KCNC2: variants seen among roughly 807,000 people sequenced by gnomAD.
KCNC2 encodes the protein potassium voltage-gated channel subfamily C member 2, also known as voltage-gated potassium channel KCNC2.
A neutral mutation model predicts 44.5 loss-of-function variants in KCNC2; 21 were observed. That is an observed-to-expected ratio of 0.47 (90% CI 0.33 to 0.68). The LOEUF (loss-of-function observed/expected upper bound fraction) is 0.68. Among genes scored for constraint, KCNC2 ranks in the 30% least tolerant of loss-of-function variants. The probability of loss-of-function intolerance (pLI) is 0.01; values close to 1 mark genes in which losing one functional copy is unlikely to be tolerated. For synonymous variants in KCNC2, 391 were observed against 339.1 expected (o/e 1.15, Z -1.68); for missense variants, 589 against 826.2 (o/e 0.71, Z 3.52).
Position 75,050,572 on chromosome 12 carries a change from A to C in KCNC2, c.1433T>G (p.Met478Arg). ...PVPVIVNNFG[M>R]YYSLAMAKQK... ...CTTTGCCATTGCCAAGGAGTAGTAC[A>C]TTCCAAAATTATTGACAATGACAGG... The change falls in exon 3 of 5, where the codon ATG becomes AGG. Residue 478 changes from methionine to arginine, a missense_variant. Met to Arg is a moderately conservative substitution (Grantham distance 91). This residue lies in a region of KCNC2 where 67 missense variants were observed against 237.4 expected (regional missense o/e 0.28). Transcript: ENST00000549446. 1 of 1,613,568 alleles carries C rather than the reference A, an allele frequency of 6.2e-7. No homozygotes were observed. Among genetic ancestry groups the C allele is most frequent in the Non-Finnish European group, 8.5e-7 (1 of 1,179,826 alleles).
chr12:75,115,638 T>G (rs571566203), intron 2 of KCNC2, among the ~76,000 whole-genome samples: 13 of 152,338 alleles, frequency 8.5e-5, no homozygotes, highest in Admixed American at 5.9e-4. Flanking sequence ...GTTAGAATAC[T>G]TTTCCGAATT....
chr12:75,066,959 T>C (rs1197736716), intron 2 of KCNC2, among the ~76,000 whole-genome samples: 1 of 152,110 alleles, frequency 6.6e-6, no homozygotes, highest in Non-Finnish European at 1.5e-5. Context: ...TCCCAGCATT[T>C]TGGGAGGCCA....
chr12:75,180,734 T>C (rs2137640976), intron 2 of KCNC2, among the ~76,000 whole-genome samples: 1 of 152,064 alleles, frequency 6.6e-6, no homozygotes, highest in African/African-American at 2.4e-5. Flanking sequence ...TAGATTTTCA[T>C]AAAATTTACT....
chr12:75,135,604 A>G (rs1889170680), intron 2 of KCNC2, among the ~76,000 whole-genome samples: 1 of 152,058 alleles, frequency 6.6e-6, no homozygotes, highest in African/African-American at 2.4e-5. Flanking sequence ...TGATAATTCC[A>G]GAACTTTTAG....
chr12:75,143,334 C>A (rs921611718), intron 2 of KCNC2, among the ~76,000 whole-genome samples: 4 of 152,152 alleles, frequency 2.6e-5, no homozygotes, highest in African/African-American at 9.7e-5. Context: ...ACTGCCCATC[C>A]AGAAACAGAA....
At chr12:75,158,082 T>C (rs998480498) in intron 2 of KCNC2, among the ~76,000 whole-genome samples, 3 of 151,916 alleles carry the variant, frequency 2.0e-5, no homozygotes, top group African/African-American at 7.2e-5. Flanking sequence ...TTGAAGTCAA[T>C]AGAAGTCAGT....
At chr12:75,150,620 C>T (rs1262091735) in intron 2 of KCNC2, among the ~76,000 whole-genome samples, 2 of 151,878 alleles carry the variant, frequency 1.3e-5, no homozygotes, top group South Asian at 2.1e-4. Flanking sequence ...CATTGCTAGA[C>T]TGTGAGCACC....
chr12:75,094,496 A>T (rs953171754), intron 2 of KCNC2, among the ~76,000 whole-genome samples: 1 of 151,706 alleles, frequency 6.6e-6, no homozygotes, highest in Admixed American at 6.6e-5. Flanking sequence ...GAGCCTGAAA[A>T]GCAAAATTCT....
intron 2 of KCNC2, among the ~76,000 whole-genome samples, chr12:75,109,856 G>A (rs1887084401): frequency 6.6e-6 from 1 of 151,968 alleles, no homozygotes; most frequent in African/African-American, 2.4e-5. Context: ...AAGGCAATAA[G>A]ATTATGTAAG....
In KCNC2 at chr12:75,171,867, A is replaced by G. The variant is rs575885247; in HGVS notation, c.687+35430T>C. Among the ~76,000 whole-genome samples the G allele has an allele frequency of 1.1e-3, 164 of 151,974 alleles. 5 individuals are homozygous for G. In the South Asian group the frequency reaches 0.033, roughly 31 times the overall value. On this transcript the variant is annotated intron_variant, in intron 2 of 4. Transcript: ENST00000549446. Reference sequence around the variant, plus strand: ...TTGTGTGCAAGTATCAGTATCCCATAAATGGTCACAGCTGCTATGTATCAA... The same window carrying G: ...TTGTGTGCAAGTATCAGTATCCCATGAATGGTCACAGCTGCTATGTATCAA...
chr12:75,160,394 A>C (rs1197970444), intron 2 of KCNC2, among the ~76,000 whole-genome samples: 1 of 151,816 alleles, frequency 6.6e-6, no homozygotes, highest in Non-Finnish European at 1.5e-5. Context: ...ACCACTAGCA[A>C]ACTAATACAG....
intron 2 of KCNC2, among the ~76,000 whole-genome samples, chr12:75,088,488 T>C (rs1885207538): frequency 6.6e-6 from 1 of 152,078 alleles, no homozygotes; most frequent in Non-Finnish European, 1.5e-5. Context: ...GTAAAACATA[T>C]GAACTGTCGT....
At chr12:75,176,125 C>T (rs1385179683) in intron 2 of KCNC2, among the ~76,000 whole-genome samples, 1 of 152,002 alleles carries the variant, frequency 6.6e-6, no homozygotes, top group Non-Finnish European at 1.5e-5. Context: ...GTTCAAAGAT[C>T]AGGAAGTGTA....
rs1880044690 is a variant in KCNC2, at chr12:75,042,660, A to G, written c.*445T>C. 4 of 1,215,010 alleles carry G rather than the reference A, an allele frequency of 3.3e-6. No individual in the cohort carries two copies. The highest frequency in any genetic ancestry group is 1.6e-5 in the African/African-American group (1 of 63,862). The allele number at this position is 1,215,010 out of a possible 1,614,324, so 75.3% of individuals were successfully genotyped here. ...TCAGGTGATAGAGACAAGATGGTCC[A>G]TGCAAATGAGCTGACACAAGTCATG... On this transcript the variant is annotated 3_prime_UTR_variant, in exon 5 of 5. Transcript: ENST00000549446.
chr12:75,150,594 T>G (rs1890320356), intron 2 of KCNC2, among the ~76,000 whole-genome samples: 1 of 151,936 alleles, frequency 6.6e-6, no homozygotes, highest in Admixed American at 6.6e-5. Context: ...ATATTGTTTT[T>G]TATTGCATAG....
At chr12:75,059,420 G>A (rs1294616569) in intron 2 of KCNC2, among the ~76,000 whole-genome samples, 1 of 152,022 alleles carries the variant, frequency 6.6e-6, no homozygotes, top group Non-Finnish European at 1.5e-5. Flanking sequence ...GAGGCTACAT[G>A]ACATGTGGTC....
chr12:75,171,802 G>C (rs1048913619), intron 2 of KCNC2, among the ~76,000 whole-genome samples: 1 of 151,840 alleles, frequency 6.6e-6, no homozygotes, highest in African/African-American at 2.4e-5. Context: ...AAATACTTGA[G>C]TGTTGGATAT....
chr12:75,042,789 A>G lies in KCNC2; in HGVS notation c.*316T>C. 8.5e-7 allele frequency: 1 copy of G among 1,176,228 alleles called. No homozygotes were observed. The highest frequency in any genetic ancestry group is 1.1e-6 in the Non-Finnish European group (1 of 950,744). 72.9% of individuals were successfully genotyped at this position (1,176,228 alleles called of 1,614,324 possible). ...TTGGCATTTGGAAGCACACTGTTTT[A>G]AATATATCTCCCTGAAGGTATGTTT... On this transcript the variant is annotated 3_prime_UTR_variant, in exon 5 of 5. Transcript: ENST00000549446.
At chr12:75,109,946 A>T (rs1380313561) in intron 2 of KCNC2, among the ~76,000 whole-genome samples, 2 of 152,052 alleles carry the variant, frequency 1.3e-5, no homozygotes, top group Non-Finnish European at 2.9e-5. Flanking sequence ...AACTTTTAAG[A>T]ATTGGCAAAA....
Sources: allele counts gnomAD v4.1 joint callset (sites outside exome capture counted in the v4.1 genomes callset), GRCh38; gene constraint gnomAD v4.1.1; regional missense constraint gnomAD v4.1.1; transcripts MANE v1.5; gene names NCBI Gene and HGNC (gene_info 2026-07-23, HGNC 2026-07-21).